The following BEST4 variants were observed in gnomAD, a reference collection of about 807,000 sequenced individuals.
BEST4 encodes the protein bestrophin-4.
A neutral mutation model predicts 47.1 loss-of-function variants in BEST4; 36 were observed. That is an observed-to-expected ratio of 0.76 (90% CI 0.59 to 1.01). BEST4 has a LOEUF of 1.01. Among genes scored for constraint, BEST4 ranks in the 50% least tolerant of loss-of-function variants. The pLI is 0.00. For missense variants in BEST4, 550 were observed against 648.6 expected, an observed-to-expected ratio of 0.85 and a Z score of 1.65; for synonymous variants, 250 against 277.8, an observed-to-expected ratio of 0.90 and a Z score of 1.00.
upstream of BEST4, among the ~76,000 whole-genome samples, chr1:44,789,242 C>CAAA (rs778437528): frequency 1.2e-3 from 75 of 61,396 alleles, no homozygotes; most frequent in African/African-American, 4.2e-3. Context: ...CCTGGGTAAT[C>CAAA]AAAAAAAAAA....
downstream of BEST4, among the ~76,000 whole-genome samples, chr1:44,782,658 A>AAATAAATAAAT (rs1033551218): frequency 7.2e-6 from 1 of 139,548 alleles, no homozygotes; most frequent in Non-Finnish European, 1.5e-5. Flanking sequence ...ATAAATAAAT[A>AAATAAATAAAT]AATAAATAAA....
chr1:44,785,354 G>A (rs745553059), intron 5 of BEST4, 49 bp from the exon 6 acceptor site: 2 of 1,508,754 alleles, frequency 1.3e-6, no homozygotes, highest in Non-Finnish European at 1.8e-6. Context: ...GGGCCAAGGA[G>A]AAATGCTGCC....
chr1:44,784,323 G>C lies in BEST4; in HGVS notation c.1309C>G (p.Pro437Ala). ...LRNFGRVRGT[P>A]RPPHLLRFRA... is the part of the protein sequence containing the mutation. ...AAGCGCAGCAGATGCGGGGGGCGGGGGGTGCCTCGCACGCGGCCGAAGTTC... is the reference window on the plus strand; with the variant it reads ...AAGCGCAGCAGATGCGGGGGGCGGGCGGTGCCTCGCACGCGGCCGAAGTTC... Residue 437 changes from proline to alanine, a missense_variant, in exon 9 of 9, where the codon CCC becomes GCC. Pro to Ala is a conservative substitution (Grantham distance 27). This residue lies in a region of BEST4 where 255 missense variants were observed against 286.6 expected (regional missense o/e 0.89). Transcript: ENST00000372207. The surrounding 1 kb of genome is among the most constrained non-coding windows in gnomAD (Gnocchi z 6.2). 1 of 1,396,104 alleles carries C rather than the reference G, an allele frequency of 7.2e-7. No homozygotes were observed. The allele number at this position is 1,396,104 out of a possible 1,614,324, so 86.5% of individuals were successfully genotyped here. A position where few individuals can be genotyped will look rare whatever the true frequency, so the allele number is the denominator to read the frequency against.
At chr1:44,783,286 G>C (rs1361784321), downstream of BEST4, among the ~76,000 whole-genome samples, 1 of 152,168 alleles carries the variant, frequency 6.6e-6, no homozygotes, top group East Asian at 1.9e-4. Context: ...TCAGCCGAGT[G>C]CCCCCAGCGC....
At chr1:44,789,384 A>G (rs1651350740), upstream of BEST4, among the ~76,000 whole-genome samples, 1 of 135,238 alleles carries the variant, frequency 7.4e-6, no homozygotes, top group South Asian at 2.5e-4. Flanking sequence ...TGGGTGACAG[A>G]GACTCTGTCT....
Position 44,786,993 on chromosome 1 carries a change from C to A in BEST4, c.248-297G>T, listed in dbSNP as rs1267796951. 6.6e-6 allele frequency among the ~76,000 whole-genome samples: 1 copy of A among 152,130 alleles called. No homozygotes were observed. The highest frequency in any genetic ancestry group is 2.4e-5 in the African/African-American group (1 of 41,420). On this transcript the variant is annotated intron_variant, in intron 2 of 8. Coordinates refer to ENST00000372207, the MANE Select transcript of BEST4 (RefSeq NM_153274.3). This position sits in a 1 kb window ranked among gnomAD's most constrained non-coding sequence, Gnocchi z 4.9. ...CAGTGCCCAGGGTGGGCTTGTGAGG[C>A]CAGCAGGTGTCTTGTGCCTTGCTGG...
At chr1:44,791,018 C>T (rs565253723), upstream of BEST4, among the ~76,000 whole-genome samples, 5 of 152,060 alleles carry the variant, frequency 3.3e-5, no homozygotes, top group Admixed American at 6.6e-5. Context: ...CTTCTTGCCT[C>T]CCTCCACCCC....
Position 44,786,322 on chromosome 1 carries a change from G to T in BEST4, c.482-94C>A, listed in dbSNP as rs1396045523. 2 of 1,484,116 alleles carry T rather than the reference G, an allele frequency of 1.3e-6. No homozygotes were observed. Among genetic ancestry groups the T allele is most frequent in the South Asian group, 1.3e-5 (1 of 75,800 alleles). 91.9% of individuals were successfully genotyped at this position (1,484,116 alleles called of 1,614,324 possible). A position where few individuals can be genotyped will look rare whatever the true frequency, so the allele number is the denominator to read the frequency against. The stretch of plus-strand genomic sequence containing the variant: ...CTGGCTCCCCTCCCTCGCGTCCACC[G>T]GCTGTCCCAGGACTCGCGGTTCCGC... On this transcript the variant is annotated intron_variant, in intron 3 of 8. Coordinates refer to ENST00000372207, the MANE Select transcript of BEST4 (RefSeq NM_153274.3). This position sits in a 1 kb window ranked among gnomAD's most constrained non-coding sequence, Gnocchi z 4.9.
chr1:44,782,547 T>C (rs903420093), downstream of BEST4, among the ~76,000 whole-genome samples: 3 of 152,058 alleles, frequency 2.0e-5, no homozygotes, highest in Non-Finnish European at 2.9e-5. Context: ...GGAGAATTGC[T>C]TGAACCCAGG....
At position 44,784,314 on chromosome 1, in the gene BEST4, G is replaced by T. The variant is rs748003416; in HGVS notation, c.1318C>A (p.Pro440Thr). 2 of 1,396,946 alleles carry T rather than the reference G, an allele frequency of 1.4e-6. No homozygotes were observed. Among genetic ancestry groups the T allele is most frequent in the Non-Finnish European group, 1.8e-6 (2 of 1,086,556 alleles). 86.5% of individuals were successfully genotyped at this position (1,396,946 alleles called of 1,614,324 possible). ...TCCGCCCGGAAGCGCAGCAGATGCG[G>T]GGGGCGGGGGGTGCCTCGCACGCGG... Reference protein sequence around the residue: ...FGRVRGTPRPPHLLRFRAEEG... With the variant: ...FGRVRGTPRPTHLLRFRAEEG... Residue 440 changes from proline (P) to threonine (T), a missense_variant, in exon 9 of 9, where the codon CCG becomes ACG. Pro to Thr is a conservative substitution (Grantham distance 38). Around this residue, in one of 3 missense-constraint regions of BEST4, gnomAD observed 255 missense variants for 286.6 expected, o/e 0.89. Transcript: ENST00000372207. The surrounding 1 kb of genome is among the most constrained non-coding windows in gnomAD (Gnocchi z 6.2).
At chr1:44,787,031 G>A (rs1194427758) in intron 2 of BEST4, among the ~76,000 whole-genome samples, 3 of 152,172 alleles carry the variant, frequency 2.0e-5, no homozygotes, top group Non-Finnish European at 2.9e-5. Flanking sequence ...GTGAGGGTCC[G>A]GCAAGTGATA....
Position 44,786,796 on chromosome 1 carries a change from T to A in BEST4, c.248-100A>T, listed in dbSNP as rs1286845127. 3 of 897,376 alleles carry A rather than the reference T, an allele frequency of 3.3e-6. No individual in the cohort carries two copies. In the African/African-American group the frequency reaches 5.1e-5, roughly 15 times the overall value. 55.6% of individuals were successfully genotyped at this position (897,376 alleles called of 1,614,324 possible). ...CAGCAAAGGGCCTGGTCCAGGCCAG[T>A]TGAATCGTGGCAGGGGGAAGGAAAC... On this transcript the variant is annotated intron_variant, in intron 2 of 8. Coordinates refer to ENST00000372207, the MANE Select transcript of BEST4 (RefSeq NM_153274.3). The surrounding 1 kb of genome is among the most constrained non-coding windows in gnomAD (Gnocchi z 4.9).
At chr1:44,790,814 G>C (rs572497336), upstream of BEST4, among the ~76,000 whole-genome samples, 2 of 152,242 alleles carry the variant, frequency 1.3e-5, no homozygotes, top group South Asian at 4.2e-4. Flanking sequence ...GGGAGGCTGA[G>C]GTGGGAGGAT....
chr1:44,787,416 T>A lies in BEST4; in HGVS notation c.203A>T (p.Tyr68Phe). ...AATGAGGTCTGCTGAGCGGTTGCAGTACCGGGCCACCTGAGCATACACGTA... is the reference window on the plus strand; with the variant it reads ...AATGAGGTCTGCTGAGCGGTTGCAGAACCGGGCCACCTGAGCATACACGTA... Reference protein sequence around the residue: ...QRYVYAQVARYCNRSADLIPL... With the variant: ...QRYVYAQVARFCNRSADLIPL... Residue 68 changes from tyrosine to phenylalanine, a missense_variant, in exon 2 of 9, where the codon TAC becomes TTC. By Grantham distance (22) the Tyr-to-Phe change is conservative (BLOSUM62 3). This residue lies in a region of BEST4 where 291 missense variants were observed against 342.4 expected (regional missense o/e 0.85). Transcript: ENST00000372207. 6.2e-7 allele frequency: 1 copy of A among 1,614,120 alleles called. No homozygotes were observed. The highest frequency in any genetic ancestry group is 1.1e-5 in the South Asian group (1 of 91,088).
At chr1:44,789,719 AAAAAG>A (rs544097302), upstream of BEST4, among the ~76,000 whole-genome samples, 86 of 152,284 alleles carry the variant, frequency 5.6e-4, no homozygotes, top group African/African-American at 2.0e-3. Flanking sequence ...AAGAAAAAGA[AAAAAG>A]AAAAGAAAAG....
chr1:44,782,967 T>C (rs572901463), downstream of BEST4, among the ~76,000 whole-genome samples: 1 of 152,186 alleles, frequency 6.6e-6, no homozygotes, highest in South Asian at 2.1e-4. Context: ...CTTTTTTTTT[T>C]TTTGGAGACA....
At chr1:44,792,041 G>A (rs1489691589), upstream of BEST4, among the ~76,000 whole-genome samples, 2 of 152,136 alleles carry the variant, frequency 1.3e-5, no homozygotes, top group African/African-American at 2.4e-5. Flanking sequence ...TCGGGAGTTC[G>A]AGATCAGCCT....
At position 44,786,435 on chromosome 1, in the gene BEST4, C is replaced by T; in HGVS notation, c.481+28G>A. The T allele has an allele frequency of 6.7e-7, 1 of 1,488,794 alleles. No homozygotes were observed. The highest frequency in any genetic ancestry group is 1.3e-5 in the South Asian group (1 of 77,140). The allele number at this position is 1,488,794 out of a possible 1,614,324, so 92.2% of individuals were successfully genotyped here. ...ACCTGCATCCGGCTGTGGGCCGGAC[C>T]CCCAGAGGCTCCCGGCGGGCGGCGC... On this transcript the variant is annotated intron_variant, in intron 3 of 8. Transcript: ENST00000372207. The surrounding 1 kb of genome is among the most constrained non-coding windows in gnomAD (Gnocchi z 4.9).
Position 44,786,959 on chromosome 1 carries a change from G to C in BEST4, c.248-263C>G, listed in dbSNP as rs1430735841. Among the ~76,000 whole-genome samples, 1 of 152,156 alleles carries C rather than the reference G, an allele frequency of 6.6e-6. No individual in the cohort carries two copies. Among genetic ancestry groups the C allele is most frequent in the African/African-American group, 2.4e-5 (1 of 41,434 alleles). ...GGGAAGGGGTTGTCACCTCTGTCCA[G>C]CTCCCCTGCAGTGCCCAGGGTGGGC... On this transcript the variant is annotated intron_variant, in intron 2 of 8. Coordinates refer to ENST00000372207, the MANE Select transcript of BEST4 (RefSeq NM_153274.3). This position sits in a 1 kb window ranked among gnomAD's most constrained non-coding sequence, Gnocchi z 4.9.
Sources: gnomAD v4.1 joint callset for allele counts (sites outside exome capture counted in the v4.1 genomes callset) on GRCh38, gnomAD v4.1.1 for gene constraint, gnomAD v4.1.1 regional missense constraint, Gnocchi (gnomAD v3.1) non-coding constraint, MANE v1.5 for transcripts, NCBI Gene and HGNC (gene_info 2026-07-23, HGNC 2026-07-21) for gene names.